The following HDAC4 variants were observed in gnomAD, a reference collection of about 807,000 sequenced individuals.
HDAC4 encodes histone deacetylase A.
A neutral mutation model predicts 135.1 loss-of-function variants in HDAC4; 16 were observed. The observed-to-expected ratio is 0.12, with a 90% CI of 0.08 to 0.18. The LOEUF is 0.18. HDAC4 is among the 10% of genes least tolerant of loss of function. HDAC4 has a pLI of 1.00. For missense variants in HDAC4, 1,143 were observed against 1,511.8 expected (o/e 0.76, Z 4.05); for synonymous variants, 685 against 653.4 (o/e 1.05, Z -0.74).
chr2:239,176,567 C>T lies in HDAC4; in HGVS notation c.340-4G>A, dbSNP rs749720675. ...TGGCCAGCATCTCCTGTTGTTGCTG[C>T]AAGTGGAAGGAGGAGACAGACGGTC... On this transcript the variant is annotated splice_polypyrimidine_tract_variant and splice_region_variant and intron_variant, in intron 4 of 26. Transcript: ENST00000543185. 4 of 1,612,368 alleles carry T rather than the reference C, an allele frequency of 2.5e-6. No homozygotes were observed. The African/African-American group carries it at 5.3e-5, about 22-fold the overall frequency.
intron 3 of HDAC4, among the ~76,000 whole-genome samples, chr2:239,231,296 C>T (rs965124299): frequency 1.3e-5 from 2 of 152,238 alleles, no homozygotes; most frequent in Non-Finnish European, 2.9e-5. Flanking sequence ...TCGGCCTCTA[C>T]TTCCCCTTTT....
chr2:239,267,672 CCAGGGG>C (rs2049822298), intron 2 of HDAC4, among the ~76,000 whole-genome samples: 1 of 152,264 alleles, frequency 6.6e-6, no homozygotes, highest in Admixed American at 6.5e-5. Flanking sequence ...GAGGCCTGTG[CCAGGGG>C]CCCTGCGCCC....
intron 4 of HDAC4, among the ~76,000 whole-genome samples, chr2:239,179,831 C>T (rs148004885): frequency 8.5e-5 from 13 of 152,362 alleles, no homozygotes; most frequent in Non-Finnish European, 1.3e-4. Context: ...GGGTGGGAGG[C>T]GGCACAAGCC....
At chr2:239,163,280 A>G (rs2042924562) in intron 6 of HDAC4, among the ~76,000 whole-genome samples, 1 of 152,222 alleles carries the variant, frequency 6.6e-6, no homozygotes, top group African/African-American at 2.4e-5. Flanking sequence ...GTCGGAGCAC[A>G]GAGGATTCAG....
At chr2:239,211,599 C>T (rs1034835667) in intron 3 of HDAC4, among the ~76,000 whole-genome samples, 7 of 152,260 alleles carry the variant, frequency 4.6e-5, no homozygotes, top group Non-Finnish European at 1.0e-4. Flanking sequence ...TGCCAGCCAA[C>T]ACCAGACTCC....
At chr2:239,135,819 G>A (rs951574096) in intron 9 of HDAC4, among the ~76,000 whole-genome samples, 5 of 152,204 alleles carry the variant, frequency 3.3e-5, no homozygotes, top group Non-Finnish European at 7.3e-5. Context: ...GGTTGGGAAC[G>A]ATCTAGCTGA....
At chr2:239,123,495 T>A (rs1289064342) in intron 12 of HDAC4, among the ~76,000 whole-genome samples, 1 of 152,250 alleles carries the variant, frequency 6.6e-6, no homozygotes, top group Non-Finnish European at 1.5e-5. Context: ...GCTGCCACCC[T>A]GGAGCAAGGC....
chr2:239,181,605 T>A (rs2044155988), intron 4 of HDAC4, among the ~76,000 whole-genome samples: 2 of 152,372 alleles, frequency 1.3e-5, no homozygotes, highest in Non-Finnish European at 2.9e-5. Flanking sequence ...GTGTCCTTCA[T>A]CAGGGCAGCG....
At chr2:239,194,008 C>T (rs548173627) in intron 3 of HDAC4, among the ~76,000 whole-genome samples, 36 of 152,282 alleles carry the variant, frequency 2.4e-4, no homozygotes, top group Non-Finnish European at 4.3e-4. Context: ...GATCTGAGCC[C>T]GGGGTGGTCA....
chr2:239,236,212 C>T (rs543003045), intron 3 of HDAC4, among the ~76,000 whole-genome samples: 1 of 152,352 alleles, frequency 6.6e-6, no homozygotes, highest in African/African-American at 2.4e-5. Context: ...GGTCTGTCCA[C>T]GGTCACGTGG....
chr2:239,295,335 AT>A (rs1435677771), intron 2 of HDAC4, among the ~76,000 whole-genome samples: 13 of 137,596 alleles, frequency 9.4e-5, no homozygotes, highest in Non-Finnish European at 1.9e-4. Flanking sequence ...AAAAAAAAAG[AT>A]GATTATAGTA....
chr2:239,360,694 C>T (rs938059028), intron 1 of HDAC4, among the ~76,000 whole-genome samples: 5 of 151,758 alleles, frequency 3.3e-5, no homozygotes, highest in Non-Finnish European at 7.4e-5. Flanking sequence ...CGGGGACGCC[C>T]GAGCTCTACC....
intron 2 of HDAC4, among the ~76,000 whole-genome samples, chr2:239,251,716 A>G (rs2048794530): frequency 6.6e-6 from 1 of 152,118 alleles, no homozygotes; most frequent in South Asian, 2.1e-4. Context: ...CCCACTGCAC[A>G]AGGCTCATTA....
chr2:239,237,051 G>T (rs2047926825), intron 2 of HDAC4, among the ~76,000 whole-genome samples: 1 of 152,116 alleles, frequency 6.6e-6, no homozygotes, highest in South Asian at 2.1e-4. Flanking sequence ...AAACGGTCTG[G>T]ACGCTCACAG....
In HDAC4 at chr2:239,068,376, TAA is replaced by T; in HGVS notation, c.2869+111_2869+112del. On this transcript the variant is annotated intron_variant, in intron 23 of 26. Coordinates refer to ENST00000543185, the MANE Select transcript of HDAC4 (RefSeq NM_001378414.1). The surrounding 1 kb of genome is among the most constrained non-coding windows in gnomAD (Gnocchi z 4.4). ...GTACGGTCAGAACCTTGGTCATTAG[TAA>T]AAAGGTGCCCTTCCTTATCTCGTTA... The T allele has an allele frequency of 3.8e-6, 3 of 789,966 alleles. No homozygotes were observed. The highest frequency in any genetic ancestry group is 6.6e-6 in the Non-Finnish European group (3 of 456,872). 48.9% of individuals were successfully genotyped at this position (789,966 alleles called of 1,614,324 possible). A position where few individuals can be genotyped will look rare whatever the true frequency, so the allele number is the denominator to read the frequency against.
At chr2:239,067,966 G>A (rs2033737611) in intron 23 of HDAC4, among the ~76,000 whole-genome samples, 1 of 152,180 alleles carries the variant, frequency 6.6e-6, no homozygotes, top group Admixed American at 6.5e-5. Flanking sequence ...ATCTCCTTGT[G>A]AGTTGCTGAG....
intron 2 of HDAC4, among the ~76,000 whole-genome samples, chr2:239,293,831 A>C (rs904603004): frequency 3.3e-5 from 5 of 152,264 alleles, no homozygotes; most frequent in African/African-American, 7.2e-5. Context: ...AGCGGATGGC[A>C]TAAAAACCTG....
rs1305508900 is a variant in HDAC4, at chr2:239,400,996, T to C, written c.-238A>G. On this transcript the variant is annotated 5_prime_UTR_variant, in exon 1 of 27. Coordinates refer to ENST00000543185, the MANE Select transcript of HDAC4 (RefSeq NM_001378414.1). This position sits in a 1 kb window ranked among gnomAD's most constrained non-coding sequence, Gnocchi z 4.7. ...GACCCACGTTGAACCATGATGCTTC[T>C]CCCCACTCCAGCGTCGAGCCAGGCG... 1 of 152,554 alleles carries C rather than the reference T, an allele frequency of 6.6e-6. No individual in the cohort carries two copies. Among genetic ancestry groups the C allele is most frequent in the Admixed American group, 6.5e-5 (1 of 15,268 alleles). The allele number at this position is 152,554 out of a possible 1,614,324, so 9.5% of individuals were successfully genotyped here. A position where few individuals can be genotyped will look rare whatever the true frequency, so the allele number is the denominator to read the frequency against.
intron 2 of HDAC4, among the ~76,000 whole-genome samples, chr2:239,319,971 G>C (rs2053251740): frequency 1.3e-5 from 2 of 152,194 alleles, no homozygotes; most frequent in South Asian, 4.1e-4. Flanking sequence ...AGAGCACACG[G>C]TCACTGCTAT....
Sources: allele counts gnomAD v4.1 joint callset (sites outside exome capture counted in the v4.1 genomes callset), GRCh38; gene constraint gnomAD v4.1.1; non-coding constraint Gnocchi (gnomAD v3.1); transcripts MANE v1.5; gene names NCBI Gene and HGNC (gene_info 2026-07-23, HGNC 2026-07-21).